UGT8: variants seen among roughly 807,000 people sequenced by gnomAD.
The protein encoded by UGT8 is UDP glycosyltransferase 8.
In UGT8, 12 loss-of-function variants were observed where a neutral mutation model predicts 40.5. The observed-to-expected ratio is 0.30, with a 90% CI of 0.19 to 0.48. The LOEUF (loss-of-function observed/expected upper bound fraction) is 0.48, where lower values mean the gene tolerates loss of function less well. UGT8 is among the 20% of genes least tolerant of loss of function. The probability of loss-of-function intolerance (pLI) is 0.99; values close to 1 mark genes in which losing one functional copy is unlikely to be tolerated. For synonymous variants in UGT8, 224 were observed against 240.4 expected, an observed-to-expected ratio of 0.93 and a Z score of 0.63; for missense variants, 513 against 648.7, an observed-to-expected ratio of 0.79 and a Z score of 2.27.
intron 2 of UGT8, among the ~76,000 whole-genome samples, chr4:114,635,416 C>A (rs1357801254): frequency 2.0e-5 from 3 of 151,446 alleles, no homozygotes; most frequent in Non-Finnish European, 4.4e-5. Context: ...ACATATTTTT[C>A]CCCAGTGAAT....
chr4:114,620,993 G>A (rs144966929), intron 1 of UGT8, among the ~76,000 whole-genome samples: 8 of 152,216 alleles, frequency 5.3e-5, no homozygotes, highest in African/African-American at 1.7e-4. Flanking sequence ...ATGAGCAATT[G>A]TTTAGATCTT....
intron 2 of UGT8, among the ~76,000 whole-genome samples, chr4:114,654,745 T>C (rs1578451971): frequency 6.6e-6 from 1 of 152,128 alleles, no homozygotes; most frequent in South Asian, 2.1e-4. Flanking sequence ...TCTTTTGTTA[T>C]CTAACCTTAG....
chr4:114,628,129 T>C (rs1432840293), intron 2 of UGT8, among the ~76,000 whole-genome samples: 5 of 151,946 alleles, frequency 3.3e-5, no homozygotes, highest in Admixed American at 6.6e-5. Context: ...TGCTAAGTTG[T>C]TGAGTTTTTT....
intron 2 of UGT8, among the ~76,000 whole-genome samples, chr4:114,631,909 A>T (rs746890323): frequency 3.3e-5 from 5 of 152,246 alleles, no homozygotes; most frequent in Non-Finnish European, 7.3e-5. Context: ...TACACTGTAG[A>T]TCTGAACAGC....
Position 114,635,923 on chromosome 4 carries a change from T to G in UGT8, c.822+12221T>G, listed in dbSNP as rs1732860266. On this transcript the variant is annotated intron_variant, in intron 2 of 5. Coordinates refer to ENST00000310836, the MANE Select transcript of UGT8 (RefSeq NM_001128174.3). ...ATGTAAGAATGAAAAGAGAAATTATTTATGTACTAGATTATATACAACTTT... is the reference window on the plus strand; with the variant it reads ...ATGTAAGAATGAAAAGAGAAATTATGTATGTACTAGATTATATACAACTTT... Among the ~76,000 whole-genome samples, 3 of 152,138 alleles carry G rather than the reference T, an allele frequency of 2.0e-5. No homozygotes were observed. In the South Asian group the frequency reaches 6.2e-4, roughly 31 times the overall value.
At chr4:114,611,490 T>A (rs1430818276) in intron 1 of UGT8, among the ~76,000 whole-genome samples, 7 of 139,452 alleles carry the variant, frequency 5.0e-5, no homozygotes, top group Non-Finnish European at 9.2e-5. Flanking sequence ...ATCTATATTA[T>A]ATATTAGATA....
intron 2 of UGT8, among the ~76,000 whole-genome samples, chr4:114,649,582 C>T (rs1357917244): frequency 2.0e-5 from 3 of 152,138 alleles, no homozygotes; most frequent in African/African-American, 7.2e-5. Context: ...ACCCCACGGT[C>T]AAGATGGCTG....
intron 2 of UGT8, among the ~76,000 whole-genome samples, chr4:114,625,540 G>C (rs1287139120): frequency 7.6e-6 from 1 of 132,324 alleles, no homozygotes; most frequent in South Asian, 2.6e-4. Flanking sequence ...AAAAAGGAAT[G>C]TCCTGTCCTG....
At chr4:114,644,746 C>T (rs1733452701) in intron 2 of UGT8, among the ~76,000 whole-genome samples, 1 of 152,150 alleles carries the variant, frequency 6.6e-6, no homozygotes, top group African/African-American at 2.4e-5. Flanking sequence ...CCTATCCTTC[C>T]TCTCTTTCAG....
chr4:114,653,931 C>T (rs1436866700), intron 2 of UGT8, among the ~76,000 whole-genome samples: 1 of 151,940 alleles, frequency 6.6e-6, no homozygotes, highest in Non-Finnish European at 1.5e-5. Flanking sequence ...AGAAGGTGAC[C>T]AGCAAAAGTT....
chr4:114,660,607 T>C (rs1243903158), intron 2 of UGT8, among the ~76,000 whole-genome samples: 6 of 152,144 alleles, frequency 3.9e-5, no homozygotes, highest in Non-Finnish European at 8.8e-5. Flanking sequence ...CAGTTTAACT[T>C]TTAGGCTGGG....
intron 2 of UGT8, among the ~76,000 whole-genome samples, chr4:114,628,049 T>C (rs1304760946): frequency 6.6e-6 from 1 of 152,242 alleles, no homozygotes; most frequent in Non-Finnish European, 1.5e-5. Flanking sequence ...GTTAATATTA[T>C]AACTATCATC....
intron 1 of UGT8, among the ~76,000 whole-genome samples, chr4:114,617,542 A>G (rs1731518903): frequency 6.6e-6 from 1 of 152,166 alleles, no homozygotes; most frequent in Admixed American, 6.5e-5. Flanking sequence ...CATTCTTTGA[A>G]TTTTGGATTT....
At chr4:114,638,813 C>T (rs1253402312) in intron 2 of UGT8, among the ~76,000 whole-genome samples, 1 of 152,068 alleles carries the variant, frequency 6.6e-6, no homozygotes, top group East Asian at 1.9e-4. Flanking sequence ...CTGTTGTGGC[C>T]CATTTATACT....
chr4:114,645,044 A>ACAGG (rs1446885080), intron 2 of UGT8, among the ~76,000 whole-genome samples: 4 of 151,838 alleles, frequency 2.6e-5, no homozygotes, highest in Non-Finnish European at 5.9e-5. Context: ...CAGTTCACAG[A>ACAGG]CAGACTTCCT....
intron 2 of UGT8, among the ~76,000 whole-genome samples, chr4:114,658,778 T>G (rs754298889): frequency 5.3e-5 from 8 of 152,228 alleles, no homozygotes; most frequent in Non-Finnish European, 1.2e-4. Context: ...ATGAGTGTCT[T>G]CTTTAAAAGT....
In UGT8 at chr4:114,623,285, G is replaced by T. The variant is rs756435894; in HGVS notation, c.405G>T (p.Leu135=). ...TGAAGAAAGAAAAATTTGACCTGCT[G>T]CTGGTGGACCCTAATGATATGTGTG... ...QGLKKEKFDL[L]LVDPNDMCGF... is the part of the protein sequence containing the mutation. The change falls in exon 2 of 6, where the codon CTG becomes CTT. Residue 135 remains leucine, a synonymous_variant. Coordinates refer to ENST00000310836, the MANE Select transcript of UGT8 (RefSeq NM_001128174.3). 8.1e-6 allele frequency: 13 copies of T among 1,614,194 alleles called. No individual in the cohort carries two copies. The highest frequency in any genetic ancestry group is 1.0e-5 in the Non-Finnish European group (12 of 1,180,040).
At chr4:114,639,237 T>A (rs1733067820) in intron 2 of UGT8, among the ~76,000 whole-genome samples, 1 of 152,192 alleles carries the variant, frequency 6.6e-6, no homozygotes, top group African/African-American at 2.4e-5. Flanking sequence ...CAGACTCCAT[T>A]CACTCAGTCA....
intron 2 of UGT8, among the ~76,000 whole-genome samples, chr4:114,660,827 C>G (rs1431223960): frequency 4.0e-5 from 6 of 151,132 alleles, no homozygotes; most frequent in African/African-American, 1.5e-4. Flanking sequence ...GGAGGTGGAG[C>G]CTGCAGTAAG....
Sources: allele counts gnomAD v4.1 joint callset (sites outside exome capture counted in the v4.1 genomes callset), GRCh38; gene constraint gnomAD v4.1.1; transcripts MANE v1.5; gene names NCBI Gene and HGNC (gene_info 2026-07-23, HGNC 2026-07-21).